Variants in NKD1 observed in about 807,000 individuals in gnomAD.
The protein encoded by NKD1 is protein naked cuticle homolog 1.
A neutral mutation model predicts 56.0 loss-of-function variants in NKD1; 21 were observed. The observed-to-expected ratio is 0.38, with a 90% confidence interval of 0.27 to 0.54. NKD1 has a LOEUF of 0.54. Ranked by LOEUF, NKD1 falls within the 20% of genes least tolerant of loss-of-function variation. The pLI, the probability that NKD1 is intolerant of heterozygous loss-of-function variation, is 0.82. For synonymous variants in NKD1, 263 were observed against 265.7 expected, an observed-to-expected ratio of 0.99 and a Z score of 0.10; for missense variants, 578 against 642.7, an observed-to-expected ratio of 0.90 and a Z score of 1.09.
rs1335818780 is a variant in NKD1, at chr16:50,579,930, C to T, written c.193-28364C>T. ...CCACACATGCACTGTTTTGGTCCCACGGACTACCTGCTACACATGCACTCT... is the reference window on the plus strand; with the variant it reads ...CCACACATGCACTGTTTTGGTCCCATGGACTACCTGCTACACATGCACTCT... On this transcript the variant is annotated intron_variant, in intron 3 of 9. Coordinates refer to ENST00000268459, the MANE Select transcript of NKD1 (RefSeq NM_033119.5). Among the ~76,000 whole-genome samples, 3 of 152,150 alleles carry T rather than the reference C, an allele frequency of 2.0e-5. No individual in the cohort carries two copies. In the East Asian group the frequency reaches 5.8e-4, roughly 29 times the overall value.
intron 3 of NKD1, chr16:50,606,830 CA>C (rs1267125510): frequency 4.4e-6 from 2 of 456,708 alleles, no homozygotes; most frequent in South Asian, 1.5e-5. Flanking sequence ...ACCAGCCTTT[CA>C]GGGGGCGGTG....
At chr16:50,622,087 T>C (rs1962104840) in intron 5 of NKD1, among the ~76,000 whole-genome samples, 1 of 152,142 alleles carries the variant, frequency 6.6e-6, no homozygotes, top group South Asian at 2.1e-4. Flanking sequence ...GGGGTGCCTG[T>C]GGGGGATCTC....
At chr16:50,625,902 G>T (rs142145229) in intron 6 of NKD1, among the ~76,000 whole-genome samples, 3 of 152,364 alleles carry the variant, frequency 2.0e-5, no homozygotes, top group African/African-American at 7.2e-5. Context: ...CCCTAACCGA[G>T]TCCTGTCCTG....
At chr16:50,585,522 C>T (rs1216558368) in intron 3 of NKD1, among the ~76,000 whole-genome samples, 4 of 152,220 alleles carry the variant, frequency 2.6e-5, no homozygotes, top group African/African-American at 4.8e-5. Context: ...ACGTGGGGCC[C>T]GGATGCCGGG....
intron 3 of NKD1, among the ~76,000 whole-genome samples, chr16:50,584,315 C>T (rs774127031): frequency 7.9e-5 from 12 of 152,216 alleles, no homozygotes; most frequent in South Asian, 2.1e-4. Context: ...CATTCACTAC[C>T]GTCCCGTCTG....
intron 3 of NKD1, among the ~76,000 whole-genome samples, chr16:50,586,474 C>T (rs775155078): frequency 4.2e-4 from 64 of 152,206 alleles, no homozygotes; most frequent in South Asian, 4.2e-3. Flanking sequence ...CCGTGAGCCA[C>T]GTGTCTGCAG....
chr16:50,594,707 G>A (rs1330355102), intron 3 of NKD1, among the ~76,000 whole-genome samples: 2 of 152,152 alleles, frequency 1.3e-5, no homozygotes, highest in Admixed American at 6.5e-5. Flanking sequence ...GTGGGGACAC[G>A]GCAGTTCTCT....
In NKD1 at chr16:50,640,481, C is replaced by T. The variant is rs796899561; in HGVS notation, c.*6700C>T. 3.9e-5 allele frequency: 6 copies of T among 152,330 alleles called. No individual in the cohort carries two copies. Among genetic ancestry groups the T allele is most frequent in the African/African-American group, 1.2e-4 (5 of 41,546 alleles). 9.4% of individuals were successfully genotyped at this position (152,330 alleles called of 1,614,324 possible). On this transcript the variant is annotated 3_prime_UTR_variant, in exon 10 of 10. Transcript: ENST00000268459. Reference sequence around the variant, plus strand: ...TCAGCAGTGGTTATCAGGATCCTGGCTCTATGGGTTGCCTTCCTCCTGGTC... The same window carrying T: ...TCAGCAGTGGTTATCAGGATCCTGGTTCTATGGGTTGCCTTCCTCCTGGTC...
Position 50,567,059 on chromosome 16 carries a change from A to G in NKD1, c.192+17504A>G, listed in dbSNP as rs16948626. Among the ~76,000 whole-genome samples, 1,154 of 144,138 alleles carry G rather than the reference A, an allele frequency of 8.0e-3. 12 individuals are homozygous for G. The highest frequency in any genetic ancestry group is 0.027 in the African/African-American group (1,063 of 38,688). 94.6% of individuals were successfully genotyped at this position (144,138 alleles called of 152,430 possible). A position where few individuals can be genotyped will look rare whatever the true frequency, so the allele number is the denominator to read the frequency against. On this transcript the variant is annotated intron_variant, in intron 3 of 9. Transcript: ENST00000268459. The stretch of plus-strand genomic sequence containing the variant: ...TGCATTACTTCACTCCTTTTTCCCT[A>G]TGTGATCTCCCAATTTGAGGGGTGC...
chr16:50,572,069 C>T (rs976449483), intron 3 of NKD1, among the ~76,000 whole-genome samples: 9 of 152,224 alleles, frequency 5.9e-5, no homozygotes, highest in Non-Finnish European at 1.0e-4. Flanking sequence ...CTTGTTCTCC[C>T]CAGCTCACCC....
intron 3 of NKD1, among the ~76,000 whole-genome samples, chr16:50,590,594 A>G (rs979341713): frequency 6.6e-6 from 1 of 152,054 alleles, no homozygotes; most frequent in Non-Finnish European, 1.5e-5. Flanking sequence ...GCTCCCAGCA[A>G]CTCCACAAGG....
chr16:50,567,393 G>T (rs1596710247), intron 3 of NKD1, among the ~76,000 whole-genome samples: 1 of 152,200 alleles, frequency 6.6e-6, no homozygotes, highest in African/African-American at 2.4e-5. Context: ...CCGTTTGTCA[G>T]AAGAAGATGT....
At chr16:50,620,171 AG>A (rs1313066597) in intron 4 of NKD1, among the ~76,000 whole-genome samples, 1 of 152,272 alleles carries the variant, frequency 6.6e-6, no homozygotes, top group East Asian at 1.9e-4. Context: ...CAAGGACACC[AG>A]GGGAAGTGCC....
intron 3 of NKD1, among the ~76,000 whole-genome samples, chr16:50,593,561 G>C (rs1961413796): frequency 6.6e-6 from 1 of 152,182 alleles, no homozygotes; most frequent in African/African-American, 2.4e-5. Context: ...TGGGTTGTGT[G>C]CCCGGCCCTG....
intron 3 of NKD1, among the ~76,000 whole-genome samples, chr16:50,563,441 C>T (rs974753283): frequency 2.0e-5 from 3 of 148,712 alleles, no homozygotes; most frequent in African/African-American, 7.5e-5. Flanking sequence ...ATGGAGAAGA[C>T]CCTGTGTGTC....
chr16:50,608,936 A>G (rs1268356633), intron 4 of NKD1, among the ~76,000 whole-genome samples: 1 of 152,126 alleles, frequency 6.6e-6, no homozygotes, highest in African/African-American at 2.4e-5. Context: ...TGATCCTCTC[A>G]CCTCAGCCTC....
intron 7 of NKD1, 143 bp from the exon 8 acceptor site, chr16:50,630,683 G>T: frequency 1.5e-6 from 1 of 668,114 alleles, no homozygotes; most frequent in Non-Finnish European, 2.5e-6. Flanking sequence ...AGGGCAGGTA[G>T]CCTTGAGACC....
chr16:50,579,400 G>C (rs1749390844), intron 3 of NKD1, among the ~76,000 whole-genome samples: 1 of 147,538 alleles, frequency 6.8e-6, no homozygotes, highest in African/African-American at 2.5e-5. Flanking sequence ...AGCCACACAT[G>C]CACTGTCTTA....
intron 4 of NKD1, 64 bp from the exon 5 acceptor site, chr16:50,621,538 G>A: frequency 1.7e-6 from 2 of 1,195,812 alleles, no homozygotes; most frequent in Admixed American, 1.9e-5. Flanking sequence ...CAAAGGTGCA[G>A]TGAGCATGGC....
Sources: allele counts gnomAD v4.1 joint callset (sites outside exome capture counted in the v4.1 genomes callset), GRCh38; gene constraint gnomAD v4.1.1; transcripts MANE v1.5; gene names NCBI Gene and HGNC (gene_info 2026-07-23, HGNC 2026-07-21).